The following DLC1 variants were observed in gnomAD, a reference collection of about 807,000 sequenced individuals.
The protein encoded by DLC1 is DLC1 Rho GTPase activating protein, also known as rho GTPase-activating protein 7.
Under a neutral mutation model 140.3 loss-of-function variants are expected in DLC1, and 54 were observed. That is an observed-to-expected ratio of 0.38 (90% CI 0.31 to 0.48). DLC1 has a LOEUF of 0.48. Ranked by LOEUF, DLC1 falls within the 20% of genes least tolerant of loss-of-function variation. The pLI is 0.96. For synonymous variants in DLC1, 986 were observed against 728.1 expected (o/e 1.35, Z -5.70); for missense variants, 2,536 against 1,907.0 (o/e 1.33, Z -6.14).
intron 1 of DLC1, among the ~76,000 whole-genome samples, chr8:13,592,088 A>T (rs1563462810): frequency 6.6e-6 from 1 of 152,084 alleles, no homozygotes; most frequent in Non-Finnish European, 1.5e-5. Flanking sequence ...GAGTTCAAAC[A>T]TAGGGCCCCA....
chr8:13,425,716 A>C (rs1049722028), intron 2 of DLC1, among the ~76,000 whole-genome samples: 4 of 152,206 alleles, frequency 2.6e-5, no homozygotes, highest in Admixed American at 2.0e-4. Flanking sequence ...AGTTTAATGT[A>C]TATAAAGCAA....
intron 5 of DLC1, among the ~76,000 whole-genome samples, chr8:13,123,748 C>G (rs1291285875): frequency 6.6e-6 from 1 of 152,170 alleles, no homozygotes; most frequent in Non-Finnish European, 1.5e-5. Context: ...AAAGGGCAAG[C>G]TTCTTTGTCC....
chr8:13,139,213 C>T (rs558422825), intron 5 of DLC1, among the ~76,000 whole-genome samples: 27 of 135,336 alleles, frequency 2.0e-4, no homozygotes, highest in Admixed American at 1.6e-3. Flanking sequence ...TTGCTTGAGC[C>T]GGGTAGTCGA....
At chr8:13,443,657 C>CAAAAAAA (rs11321891) in intron 2 of DLC1, among the ~76,000 whole-genome samples, 3 of 66,784 alleles carry the variant, frequency 4.5e-5, no homozygotes, top group African/African-American at 1.4e-4. Flanking sequence ...GACTCCGTCT[C>CAAAAAAA]AAAAAAAAAA....
chr8:13,150,232 C>T (rs1303656047), intron 5 of DLC1, among the ~76,000 whole-genome samples: 1 of 152,154 alleles, frequency 6.6e-6, no homozygotes, highest in Non-Finnish European at 1.5e-5. Flanking sequence ...ATTTGTAATG[C>T]CCTTTTTTTA....
intron 5 of DLC1, among the ~76,000 whole-genome samples, chr8:13,130,423 C>T (rs1227096638): frequency 6.6e-6 from 1 of 152,200 alleles, no homozygotes; most frequent in Non-Finnish European, 1.5e-5. Flanking sequence ...TTTCCAGAAG[C>T]ACCCAAACAC....
At chr8:13,409,319 T>G (rs1837690436) in intron 2 of DLC1, among the ~76,000 whole-genome samples, 1 of 152,172 alleles carries the variant, frequency 6.6e-6, no homozygotes. Flanking sequence ...ATACTCTCAA[T>G]TAAGCCATAC....
At position 13,566,775 on chromosome 8, in the gene DLC1, G is replaced by A. The variant is rs1379006751; in HGVS notation, c.-126+37762C>T. On this transcript the variant is annotated intron_variant, in intron 1 of 1. Coordinates refer to the DLC1 transcript ENST00000631382. ...GCAGCGCAAGCGCAGTGGGCGCTGG[G>A]GAGCGCGGAGGAAAAGGCGGGACGC... 1.7e-5 allele frequency: 10 copies of A among 604,234 alleles called. No homozygotes were observed. In the East Asian group the frequency reaches 2.1e-4, roughly 13 times the overall value. 37.4% of individuals were successfully genotyped at this position (604,234 alleles called of 1,614,324 possible). A position where few individuals can be genotyped will look rare whatever the true frequency, so the allele number is the denominator to read the frequency against.
intron 2 of DLC1, among the ~76,000 whole-genome samples, chr8:13,487,828 C>T (rs145709176): frequency 0.076 from 11,523 of 152,204 alleles, 654 homozygotes; most frequent in East Asian, 0.22. Flanking sequence ...GCCTCAGCCT[C>T]CCAAAGTGCT....
intron 1 of DLC1, among the ~76,000 whole-genome samples, chr8:13,527,191 C>T (rs1260465437): frequency 6.6e-6 from 1 of 152,144 alleles, no homozygotes; most frequent in Non-Finnish European, 1.5e-5. Flanking sequence ...CAATGTTGAA[C>T]AACAGCTTTC....
chr8:13,178,047 T>A (rs1825845708), intron 5 of DLC1, among the ~76,000 whole-genome samples: 1 of 152,136 alleles, frequency 6.6e-6, no homozygotes, highest in South Asian at 2.1e-4. Flanking sequence ...TAAAAATAAT[T>A]CCCTGTTTCA....
chr8:13,589,083 C>G (rs980409), intron 1 of DLC1, among the ~76,000 whole-genome samples: 6,381 of 152,062 alleles, frequency 0.042, 361 homozygotes, highest in Admixed American at 0.12. Flanking sequence ...AAGTCAAATA[C>G]CAAAGCCAGT....
chr8:13,135,364 G>A (rs977119145), intron 5 of DLC1, among the ~76,000 whole-genome samples: 18 of 152,044 alleles, frequency 1.2e-4, no homozygotes, highest in Admixed American at 7.9e-4. Flanking sequence ...TGTATTTTTA[G>A]TAGAGACAGG....
chr8:13,513,138 C>T (rs1010443771), intron 1 of DLC1, among the ~76,000 whole-genome samples: 20 of 152,034 alleles, frequency 1.3e-4, no homozygotes, highest in Non-Finnish European at 2.8e-4. Flanking sequence ...GCTGTCCTCT[C>T]TTCTATTAGC....
At chr8:13,584,498 A>G (rs1045732052) in intron 1 of DLC1, 1 of 152,218 alleles carries the variant, frequency 6.6e-6, no homozygotes, top group African/African-American at 2.4e-5. Context: ...TCATGATGAT[A>G]TCATTTGACT....
chr8:13,150,774 A>G (rs1823746576), intron 5 of DLC1, among the ~76,000 whole-genome samples: 1 of 152,218 alleles, frequency 6.6e-6, no homozygotes, highest in Non-Finnish European at 1.5e-5. Flanking sequence ...ATAAAATCTC[A>G]CTGAGGGGTC....
At chr8:13,233,955 C>T (rs1829167496) in intron 5 of DLC1, among the ~76,000 whole-genome samples, 1 of 152,146 alleles carries the variant, frequency 6.6e-6, no homozygotes, top group African/African-American at 2.4e-5. Context: ...AAAGTCTCAA[C>T]CATTCACGAG....
chr8:13,586,979 A>C (rs1434255713), intron 1 of DLC1, among the ~76,000 whole-genome samples: 2 of 151,906 alleles, frequency 1.3e-5, no homozygotes. Flanking sequence ...GACCTTTTTA[A>C]ACTTAGGGTT....
At chr8:13,186,931 G>A (rs1826406345) in intron 5 of DLC1, among the ~76,000 whole-genome samples, 2 of 152,300 alleles carry the variant, frequency 1.3e-5, no homozygotes, top group South Asian at 4.1e-4. Context: ...GTCTGTTGGA[G>A]TTTGCTGGAG....
Sources: allele counts gnomAD v4.1 joint callset (sites outside exome capture counted in the v4.1 genomes callset), GRCh38; gene constraint gnomAD v4.1.1; transcripts MANE v1.5; gene names NCBI Gene and HGNC (gene_info 2026-07-23, HGNC 2026-07-21).